Variants in HS3ST4 observed in about 807,000 individuals in gnomAD.
The protein encoded by HS3ST4 is heparan sulfate-glucosamine 3-sulfotransferase 4.
A neutral mutation model predicts 29.2 loss-of-function variants in HS3ST4; 17 were observed. The ratio of observed to expected loss-of-function variants is 0.58; its 90% CI spans 0.40 to 0.87. The LOEUF is 0.87. HS3ST4 is among the 40% of genes least tolerant of loss of function. HS3ST4 has a pLI of 0.00. For synonymous variants in HS3ST4, 314 were observed against 285.7 expected (o/e 1.10, Z -1.00); for missense variants, 627 against 634.5 (o/e 0.99, Z 0.13).
intron 1 of HS3ST4, among the ~76,000 whole-genome samples, chr16:25,980,054 G>C (rs1968988531): frequency 6.6e-6 from 1 of 152,022 alleles, no homozygotes; most frequent in South Asian, 2.1e-4. Context: ...CCTGCCTCTG[G>C]TCATGTCCTC....
chr16:26,054,538 G>A (rs1410422142), intron 1 of HS3ST4, among the ~76,000 whole-genome samples: 1 of 152,188 alleles, frequency 6.6e-6, no homozygotes, highest in Non-Finnish European at 1.5e-5. Context: ...AGCAGACCAA[G>A]TTGGAAGTTT....
Position 26,135,832 on chromosome 16 carries a change from C to T in HS3ST4, c.955C>T (p.Arg319Trp), listed in dbSNP as rs578031781. 5.6e-6 allele frequency: 9 copies of T among 1,613,952 alleles called. No homozygotes were observed. The highest frequency in any genetic ancestry group is 2.7e-5 in the African/African-American group (2 of 75,026). The change falls in exon 2 of 2, where the codon CGG (arginine) becomes TGG (tryptophan). Residue 319 changes from arginine to tryptophan, a missense_variant. Coordinates refer to ENST00000331351, the MANE Select transcript of HS3ST4 (RefSeq NM_006040.3). The part of the protein sequence containing the change: ...PTFEVLAFKN[R>W]TLGLIDASWS... ...CTTTGAGGTGCTGGCCTTCAAAAACCGGACCCTCGGGCTGATCGATGCTTC... is the reference window on the plus strand; with the variant it reads ...CTTTGAGGTGCTGGCCTTCAAAAACTGGACCCTCGGGCTGATCGATGCTTC...
intron 1 of HS3ST4, among the ~76,000 whole-genome samples, chr16:25,717,649 G>C (rs756656873): frequency 6.6e-6 from 1 of 151,946 alleles, no homozygotes; most frequent in Admixed American, 6.6e-5. Context: ...GAGTGCTGGA[G>C]CTCTGGGAGA....
chr16:25,985,973 C>G (rs1316030453), intron 1 of HS3ST4, among the ~76,000 whole-genome samples: 2 of 152,212 alleles, frequency 1.3e-5, no homozygotes, highest in African/African-American at 4.8e-5. Flanking sequence ...GCACGGCCCA[C>G]CATAACTGGC....
chr16:26,090,638 C>T (rs1898846320), intron 1 of HS3ST4, among the ~76,000 whole-genome samples: 1 of 151,886 alleles, frequency 6.6e-6, no homozygotes, highest in Non-Finnish European at 1.5e-5. Context: ...CCTTGGAGAC[C>T]CTCGGGGCCC....
At chr16:25,739,067 C>T (rs897998766) in intron 1 of HS3ST4, among the ~76,000 whole-genome samples, 4 of 152,122 alleles carry the variant, frequency 2.6e-5, no homozygotes, top group Non-Finnish European at 5.9e-5. Context: ...TGAGGTTGGG[C>T]GCAGTGGCTC....
intron 1 of HS3ST4, among the ~76,000 whole-genome samples, chr16:26,010,225 G>T (rs1483677596): frequency 6.6e-6 from 1 of 152,144 alleles, no homozygotes; most frequent in Admixed American, 6.5e-5. Flanking sequence ...AGGCCAAGGA[G>T]GGTGGATCAC....
At chr16:25,913,415 C>T (rs1379876780) in intron 1 of HS3ST4, among the ~76,000 whole-genome samples, 1 of 152,238 alleles carries the variant, frequency 6.6e-6, no homozygotes, top group African/African-American at 2.4e-5. Context: ...AAGCCACTAT[C>T]CAGAAAGCAG....
At chr16:25,992,213 A>G (rs1418493074) in intron 1 of HS3ST4, among the ~76,000 whole-genome samples, 1 of 152,224 alleles carries the variant, frequency 6.6e-6, no homozygotes, top group Non-Finnish European at 1.5e-5. Context: ...GATTCGTATG[A>G]TTATGACAGT....
At chr16:26,066,021 A>G (rs1325648871) in intron 1 of HS3ST4, among the ~76,000 whole-genome samples, 1 of 152,234 alleles carries the variant, frequency 6.6e-6, no homozygotes, top group Non-Finnish European at 1.5e-5. Flanking sequence ...ATGTTACTCA[A>G]AAGAGGTGGA....
chr16:25,744,840 G>A (rs569205355), intron 1 of HS3ST4, among the ~76,000 whole-genome samples: 1 of 152,202 alleles, frequency 6.6e-6, no homozygotes, highest in Non-Finnish European at 1.5e-5. Context: ...TGCCATCCAT[G>A]TAAGACGTGA....
At chr16:26,070,242 C>T (rs1042831987) in intron 1 of HS3ST4, among the ~76,000 whole-genome samples, 8 of 152,110 alleles carry the variant, frequency 5.3e-5, no homozygotes, top group Non-Finnish European at 1.0e-4. Context: ...TTTTAATGAT[C>T]GCCATTCTAA....
At position 25,701,045 on chromosome 16, in the gene HS3ST4, T is replaced by G. The variant is rs140306431; in HGVS notation, c.734+7894T>G. On this transcript the variant is annotated intron_variant, in intron 1 of 1. Transcript: ENST00000331351. Reference sequence around the variant, plus strand: ...TTGAGAAGTCTGGGGATAACTTGGTTTCAGGAAAAACTGGATCCAGGGGCT... The same window carrying G: ...TTGAGAAGTCTGGGGATAACTTGGTGTCAGGAAAAACTGGATCCAGGGGCT... Among the ~76,000 whole-genome samples, 1,196 of 152,278 alleles carry G rather than the reference T, an allele frequency of 7.9e-3. 4 individuals are homozygous for G. Among genetic ancestry groups the G allele is most frequent in the Non-Finnish European group, 0.012 (811 of 68,018 alleles).
chr16:25,862,390 A>C (rs775201721), intron 1 of HS3ST4, among the ~76,000 whole-genome samples: 7 of 152,086 alleles, frequency 4.6e-5, no homozygotes, highest in Non-Finnish European at 8.8e-5. Context: ...ACGGGGTTTC[A>C]CTATATAGCC....
At chr16:26,002,816 A>C (rs1596641003) in intron 1 of HS3ST4, among the ~76,000 whole-genome samples, 1 of 152,006 alleles carries the variant, frequency 6.6e-6, no homozygotes, top group South Asian at 2.1e-4. Context: ...AGAAAGAAAA[A>C]AGAAAGAAAG....
At chr16:26,061,953 G>C (rs1042200680) in intron 1 of HS3ST4, among the ~76,000 whole-genome samples, 1 of 152,144 alleles carries the variant, frequency 6.6e-6, no homozygotes, top group African/African-American at 2.4e-5. Context: ...ATTCACCCTA[G>C]TTGGACTGAT....
chr16:26,027,017 A>G (rs1179427142), intron 1 of HS3ST4, among the ~76,000 whole-genome samples: 1 of 152,248 alleles, frequency 6.6e-6, no homozygotes, highest in African/African-American at 2.4e-5. Flanking sequence ...ATAAGGCAGT[A>G]CTTTCTGTTT....
chr16:25,850,035 T>TG (rs1447572871), intron 1 of HS3ST4, among the ~76,000 whole-genome samples: 1 of 151,380 alleles, frequency 6.6e-6, no homozygotes, highest in Non-Finnish European at 1.5e-5. Flanking sequence ...GTTTTGCTTT[T>TG]GTTGCCCAGG....
At chr16:25,870,535 G>A (rs1967740025) in intron 1 of HS3ST4, among the ~76,000 whole-genome samples, 1 of 152,146 alleles carries the variant, frequency 6.6e-6, no homozygotes, top group Non-Finnish European at 1.5e-5. Flanking sequence ...TGAGATGGAA[G>A]CTTCAGAAGA....
Sources: gnomAD v4.1 joint callset for allele counts (sites outside exome capture counted in the v4.1 genomes callset) on GRCh38, gnomAD v4.1.1 for gene constraint, MANE v1.5 for transcripts, NCBI Gene and HGNC (gene_info 2026-07-23, HGNC 2026-07-21) for gene names.